SRGAP2C: variants seen among roughly 807,000 people sequenced by gnomAD.
SRGAP2C encodes SLIT-ROBO Rho GTPase activating protein 2C.
Under a neutral mutation model 25.1 loss-of-function variants are expected in SRGAP2C, and 15 were observed. The observed-to-expected ratio is 0.60, with a 90% CI of 0.40 to 0.92. The LOEUF (loss-of-function observed/expected upper bound fraction) is 0.92. Ranked by LOEUF, SRGAP2C falls within the 40% of genes least tolerant of loss-of-function variation. The pLI is 0.00. For missense variants in SRGAP2C, 144 were observed against 264.4 expected (o/e 0.54, Z 3.16); for synonymous variants, 44 against 96.6 (o/e 0.46, Z 3.19).
chr1:121,362,528 G>A (rs1271061129), intron 4 of SRGAP2C, among the ~76,000 whole-genome samples: 1 of 149,760 alleles, frequency 6.7e-6, no homozygotes, highest in African/African-American at 2.4e-5. Flanking sequence ...CCACTCTGGG[G>A]CTAGGTTATT....
intron 5 of SRGAP2C, among the ~76,000 whole-genome samples, chr1:121,370,855 CTA>C (rs1272549178): frequency 6.7e-6 from 1 of 149,998 alleles, no homozygotes; most frequent in African/African-American, 2.5e-5. Context: ...CTGGCTCACT[CTA>C]GTTTTGGTTT....
intron 2 of SRGAP2C, among the ~76,000 whole-genome samples, chr1:121,266,454 A>T (rs1309725929): frequency 8.6e-5 from 13 of 151,944 alleles, no homozygotes; most frequent in Non-Finnish European, 1.9e-4. Context: ...CATTGTGCAT[A>T]CTCACTTGAT....
At chr1:121,190,137 G>C (rs1416227320) in intron 2 of SRGAP2C, among the ~76,000 whole-genome samples, 1 of 152,192 alleles carries the variant, frequency 6.6e-6, no homozygotes, top group Non-Finnish European at 1.5e-5. Flanking sequence ...AAGGGCCTGC[G>C]ATCTGGTTTG....
intron 3 of SRGAP2C, among the ~76,000 whole-genome samples, chr1:121,323,366 A>T (rs1193329926): frequency 3.3e-5 from 5 of 152,104 alleles, no homozygotes; most frequent in Non-Finnish European, 5.9e-5. Flanking sequence ...CTATAATCCC[A>T]GCACTTTGGG....
intron 3 of SRGAP2C, among the ~76,000 whole-genome samples, chr1:121,306,881 T>A (rs1295680676): frequency 6.6e-6 from 1 of 152,142 alleles, no homozygotes; most frequent in Non-Finnish European, 1.5e-5. Flanking sequence ...TATATACACA[T>A]AAATAGCTGA....
At chr1:121,213,950 TC>T (rs1289399072) in intron 2 of SRGAP2C, among the ~76,000 whole-genome samples, 1 of 144,428 alleles carries the variant, frequency 6.9e-6, no homozygotes, top group Non-Finnish European at 1.5e-5. Context: ...GGGTCTTATT[TC>T]ATATCTCATC....
intron 2 of SRGAP2C, among the ~76,000 whole-genome samples, chr1:121,280,550 G>A (rs1657218245): frequency 1.3e-5 from 2 of 151,532 alleles, no homozygotes; most frequent in East Asian, 1.9e-4. Flanking sequence ...CTCCATACAG[G>A]AAAGGCTCAG....
At chr1:121,235,077 A>G in intron 2 of SRGAP2C, among the ~76,000 whole-genome samples, 1 of 134,528 alleles carries the variant, frequency 7.4e-6, no homozygotes, top group Middle Eastern at 3.8e-3. Flanking sequence ...GCTGGAGTGC[A>G]GTGGCTAGAT....
intron 2 of SRGAP2C, among the ~76,000 whole-genome samples, chr1:121,283,113 G>A (rs1657286997): frequency 6.6e-6 from 1 of 151,588 alleles, no homozygotes; most frequent in Admixed American, 6.6e-5. Context: ...ATCAGACTCT[G>A]TAAAACACAG....
intron 4 of SRGAP2C, among the ~76,000 whole-genome samples, chr1:121,347,209 G>T (rs587720572): frequency 9.2e-6 from 1 of 108,246 alleles, no homozygotes; most frequent in African/African-American, 3.7e-5. Context: ...AGCTAAGGAA[G>T]GCAAATCTGA....
intron 2 of SRGAP2C, among the ~76,000 whole-genome samples, chr1:121,272,467 C>T (rs1443303766): frequency 6.6e-6 from 1 of 151,600 alleles, no homozygotes; most frequent in Non-Finnish European, 1.5e-5. Context: ...GGACTTTTTC[C>T]TGCTATTGCC....
intron 3 of SRGAP2C, among the ~76,000 whole-genome samples, chr1:121,308,971 T>A (rs1657914522): frequency 7.7e-6 from 1 of 129,172 alleles, no homozygotes; most frequent in African/African-American, 2.9e-5. Context: ...GTGTTCCTAT[T>A]TAGTATACTA....
intron 2 of SRGAP2C, among the ~76,000 whole-genome samples, chr1:121,198,234 T>C (rs1654886477): frequency 1.4e-5 from 2 of 146,378 alleles, no homozygotes; most frequent in African/African-American, 5.0e-5. Flanking sequence ...TCCATTTTGG[T>C]GTATATTTTA....
Position 121,185,010 on chromosome 1 carries a change from C to T in SRGAP2C, c.-657C>T, listed in dbSNP as rs1654457767. 1.9e-6 allele frequency: 1 copy of T among 514,824 alleles called. No individual in the cohort carries two copies. The highest frequency in any genetic ancestry group is 3.4e-6 in the Non-Finnish European group (1 of 294,092). 31.9% of individuals were successfully genotyped at this position (514,824 alleles called of 1,614,324 possible). A position where few individuals can be genotyped will look rare whatever the true frequency, so the allele number is the denominator to read the frequency against. Reference sequence around the variant, plus strand: ...GGAGTTGGCGGAGGCGGCGGAGGCTCCTCCAGGGACTGGGGCACCGATCTG... The same window carrying T: ...GGAGTTGGCGGAGGCGGCGGAGGCTTCTCCAGGGACTGGGGCACCGATCTG... On this transcript the variant is annotated 5_prime_UTR_variant, in exon 1 of 10. Transcript: ENST00000367123.
chr1:121,279,263 G>T (rs1657186729), intron 2 of SRGAP2C, among the ~76,000 whole-genome samples: 1 of 150,958 alleles, frequency 6.6e-6, no homozygotes, highest in Non-Finnish European at 1.5e-5. Context: ...TAGAAATGTG[G>T]TATTCATGAC....
intron 2 of SRGAP2C, among the ~76,000 whole-genome samples, chr1:121,188,992 A>G (rs1482000359): frequency 1.1e-5 from 1 of 87,362 alleles, no homozygotes; most frequent in Non-Finnish European, 2.2e-5. Flanking sequence ...ACTGTTCATA[A>G]TCCAGGCCTG....
rs373076768 is a variant in SRGAP2C, at chr1:121,379,067, T to G, written c.832-3634T>G. 4.5e-4 allele frequency among the ~76,000 whole-genome samples: 69 copies of G among 152,338 alleles called. 3 individuals are homozygous for G. In the East Asian group the frequency reaches 0.012, roughly 26 times the overall value. ...ATGAATGAAGAACAGGGCATTGTCC[T>G]CATGCATAGCTGGAGTGTTGTAAGT... On this transcript the variant is annotated intron_variant, in intron 7 of 9. Transcript: ENST00000367123.
At chr1:121,366,787 A>G (rs1659333356) in intron 5 of SRGAP2C, among the ~76,000 whole-genome samples, 2 of 151,462 alleles carry the variant, frequency 1.3e-5, no homozygotes, top group Non-Finnish European at 2.9e-5. Flanking sequence ...TTGACCCTCT[A>G]CTATTTGCAG....
At chr1:121,218,798 G>A (rs1655460606) in intron 2 of SRGAP2C, among the ~76,000 whole-genome samples, 1 of 151,992 alleles carries the variant, frequency 6.6e-6, no homozygotes, top group South Asian at 2.1e-4. Flanking sequence ...CTTTTTATGT[G>A]GGCCAGGGCT....
Sources: gnomAD v4.1 joint callset for allele counts (sites outside exome capture counted in the v4.1 genomes callset) on GRCh38, gnomAD v4.1.1 for gene constraint, MANE v1.5 for transcripts, NCBI Gene and HGNC (gene_info 2026-07-23, HGNC 2026-07-21) for gene names.